EPB41: variants seen among roughly 807,000 people sequenced by gnomAD.
EPB41 encodes erythrocyte membrane protein band 4.1, also known as protein 4.1.
Under a neutral mutation model 108.0 loss-of-function variants are expected in EPB41, and 65 were observed. The ratio of observed to expected loss-of-function variants is 0.60; its 90% CI spans 0.49 to 0.74. EPB41 has a LOEUF of 0.74. Among genes scored for constraint, EPB41 ranks in the 30% least tolerant of loss-of-function variants. EPB41 has a pLI of 0.00. For missense variants in EPB41, 875 were observed against 1,037.0 expected (o/e 0.84, Z 2.15); for synonymous variants, 336 against 358.9 (o/e 0.94, Z 0.72).
At chr1:28,924,543 A>T (rs1437764718) in intron 1 of EPB41, among the ~76,000 whole-genome samples, 2 of 152,258 alleles carry the variant, frequency 1.3e-5, no homozygotes, top group East Asian at 3.9e-4. Context: ...AAAAAAATAA[A>T]AAAGACCCCA....
chr1:28,948,228 A>G (rs2094555818), intron 1 of EPB41, among the ~76,000 whole-genome samples: 1 of 152,188 alleles, frequency 6.6e-6, no homozygotes, highest in Non-Finnish European at 1.5e-5. Flanking sequence ...TTGAAAGTGA[A>G]GCAGGCTGGG....
chr1:28,949,029 T>G (rs945862701), intron 1 of EPB41, among the ~76,000 whole-genome samples: 2 of 152,216 alleles, frequency 1.3e-5, no homozygotes, highest in African/African-American at 4.8e-5. Context: ...ACCATCCAAC[T>G]TAAGAACTAG....
chr1:29,104,516 A>G (rs1666488405), intron 17 of EPB41, among the ~76,000 whole-genome samples: 1 of 152,144 alleles, frequency 6.6e-6, no homozygotes, highest in Non-Finnish European at 1.5e-5. Flanking sequence ...TTTGGGCTCA[A>G]GTGATCCTCC....
intron 16 of EPB41, among the ~76,000 whole-genome samples, chr1:29,086,417 G>T (rs1249135408): frequency 2.6e-5 from 4 of 151,734 alleles, no homozygotes; most frequent in Admixed American, 6.6e-5. Context: ...AGGACTACAG[G>T]CACATGCCAC....
At chr1:29,096,025 C>T (rs1663102302) in intron 16 of EPB41, 1 of 434,618 alleles carries the variant, frequency 2.3e-6, no homozygotes. Flanking sequence ...ACCATGTTAT[C>T]AGCTAAGATT....
intron 1 of EPB41, among the ~76,000 whole-genome samples, chr1:28,962,206 G>A (rs1403361673): frequency 6.6e-6 from 1 of 151,866 alleles, no homozygotes; most frequent in African/African-American, 2.4e-5. Flanking sequence ...GATTACAGGG[G>A]CCCGCCATCA....
At chr1:28,948,710 G>A (rs1330611452) in intron 1 of EPB41, among the ~76,000 whole-genome samples, 2 of 152,028 alleles carry the variant, frequency 1.3e-5, no homozygotes, top group Non-Finnish European at 2.9e-5. Context: ...TAGCACTTTG[G>A]GAGGCCAAGG....
At chr1:29,010,545 A>G (rs1467569553) in intron 4 of EPB41, among the ~76,000 whole-genome samples, 1 of 152,178 alleles carries the variant, frequency 6.6e-6, no homozygotes, top group Non-Finnish European at 1.5e-5. Flanking sequence ...AATGTTTTAA[A>G]CAATTCTAGA....
At chr1:29,060,652 A>G (rs1308544183) in intron 15 of EPB41, among the ~76,000 whole-genome samples, 168 bp downstream of exon 15, 1 of 152,202 alleles carries the variant, frequency 6.6e-6, no homozygotes, top group African/African-American at 2.4e-5. Context: ...AGATATGCAA[A>G]CATCTCGCCT....
In EPB41 at chr1:29,119,026, G is replaced by C. The variant is rs1308371343; in HGVS notation, c.*2214G>C. 2 of 152,272 alleles carry C rather than the reference G, an allele frequency of 1.3e-5. No homozygotes were observed. The highest frequency in any genetic ancestry group is 4.8e-5 in the African/African-American group (2 of 41,452). 9.4% of individuals were successfully genotyped at this position (152,272 alleles called of 1,614,324 possible). A position where few individuals can be genotyped will look rare whatever the true frequency, so the allele number is the denominator to read the frequency against. ...CCCACTGAATATTCCGTGTGATCTA[G>C]AACAGTGTGGCAGCTTTCACAGCAC... On this transcript the variant is annotated 3_prime_UTR_variant, in exon 21 of 21. Transcript: ENST00000343067.
chr1:29,054,585 C>T (rs1645057688), intron 12 of EPB41: 2 of 150,472 alleles, frequency 1.3e-5, no homozygotes, highest in South Asian at 4.2e-4. Flanking sequence ...TGTGGAGGCT[C>T]TCACCTGTAA....
At chr1:29,004,749 A>G (rs1004025637) in intron 4 of EPB41, among the ~76,000 whole-genome samples, 8 of 152,198 alleles carry the variant, frequency 5.3e-5, no homozygotes, top group South Asian at 2.1e-4. Flanking sequence ...TACTTAAAGA[A>G]TGAGACCTAG....
chr1:28,914,196 C>A (rs575238856), upstream of EPB41, among the ~76,000 whole-genome samples: 6 of 152,320 alleles, frequency 3.9e-5, no homozygotes, highest in East Asian at 1.2e-3. Flanking sequence ...CAAATCTCGG[C>A]CTCTTACTTG....
chr1:29,000,823 G>A (rs1045537058), intron 4 of EPB41, among the ~76,000 whole-genome samples: 2 of 152,036 alleles, frequency 1.3e-5, no homozygotes, highest in Admixed American at 6.5e-5. Flanking sequence ...AGTCAAAACA[G>A]AGTGTTGTTT....
chr1:28,992,427 G>T (rs779647747), intron 2 of EPB41, among the ~76,000 whole-genome samples: 2 of 152,180 alleles, frequency 1.3e-5, no homozygotes, highest in Non-Finnish European at 2.9e-5. Flanking sequence ...GGTTGCTCAC[G>T]CCTGTAATCC....
At chr1:29,070,777 T>C in intron 16 of EPB41, 1 of 1,085,254 alleles carries the variant, frequency 9.2e-7, no homozygotes, top group Non-Finnish European at 1.2e-6. Context: ...TTGTAGAGTA[T>C]GTATTGTGGG....
At chr1:29,074,995 A>G (rs1653288960) in intron 16 of EPB41, among the ~76,000 whole-genome samples, 1 of 151,802 alleles carries the variant, frequency 6.6e-6, no homozygotes, top group African/African-American at 2.4e-5. Flanking sequence ...CGTCTCTACT[A>G]AAAATACAAA....
At position 28,928,318 on chromosome 1, in the gene EPB41, GA is replaced by G. The variant is rs746842985; in HGVS notation, c.-8+13560del. On this transcript the variant is annotated intron_variant, in intron 1 of 20. Transcript: ENST00000343067. ...AAATACAGAGGAGAAGGTCCAGAGG[GA>G]AAAAAAAAATTCTTTATCTTACCAG... Among the ~76,000 whole-genome samples, 396 of 150,350 alleles carry G rather than the reference GA, an allele frequency of 2.6e-3. 3 individuals are homozygous for G. The highest frequency in any genetic ancestry group is 8.0e-3 in the African/African-American group (327 of 41,046).
intron 2 of EPB41, among the ~76,000 whole-genome samples, chr1:28,990,181 G>A (rs139877091): frequency 2.0e-3 from 301 of 148,082 alleles, no homozygotes; most frequent in African/African-American, 7.1e-3. Flanking sequence ...GCTGAGAGCC[G>A]AGATCACGCC....
Sources: gnomAD v4.1 joint callset for allele counts (sites outside exome capture counted in the v4.1 genomes callset) on GRCh38, gnomAD v4.1.1 for gene constraint, MANE v1.5 for transcripts, NCBI Gene and HGNC (gene_info 2026-07-23, HGNC 2026-07-21) for gene names.